Variants in NFIB observed in about 807,000 individuals in gnomAD.
The protein encoded by NFIB is nuclear factor 1 B-type.
Under a neutral mutation model 61.5 loss-of-function variants are expected in NFIB, and 11 were observed. That is an observed-to-expected ratio of 0.18 (90% CI 0.11 to 0.30). The LOEUF is 0.30. Among genes scored for constraint, NFIB ranks in the 10% least tolerant of loss-of-function variants. The pLI, the probability that NFIB is intolerant of heterozygous loss-of-function variation, is 1.00. For missense variants in NFIB, 471 were observed against 608.9 expected (o/e 0.77, Z 2.38); for synonymous variants, 260 against 216.5 (o/e 1.20, Z -1.76).
chr9:14,105,334 T>A (rs529704150), intron 10 of NFIB, among the ~76,000 whole-genome samples: 4 of 152,344 alleles, frequency 2.6e-5, no homozygotes, highest in Admixed American at 2.6e-4. Context: ...AGCAATAATT[T>A]AATGCCAAAT....
chr9:14,465,878 C>G, the NFIB span, among the ~76,000 whole-genome samples: 1 of 152,186 alleles, frequency 6.6e-6, no homozygotes, highest in South Asian at 2.1e-4. Flanking sequence ...ACAATACTCC[C>G]TCTCCCAGTT....
the NFIB span, among the ~76,000 whole-genome samples, chr9:14,512,869 G>A: frequency 7.2e-6 from 1 of 138,186 alleles, no homozygotes; most frequent in African/African-American, 2.7e-5. Flanking sequence ...TTTCTTTCCA[G>A]ACATGGAAAT....
intron 6 of NFIB, among the ~76,000 whole-genome samples, chr9:14,141,867 C>CTTTCA: frequency 8.4e-6 from 1 of 118,614 alleles, no homozygotes; most frequent in Non-Finnish European, 1.6e-5. Flanking sequence ...AAGCTTTGTT[C>CTTTCA]TTTCACTCTT....
chr9:14,149,044 T>C (rs1286672599), intron 5 of NFIB, among the ~76,000 whole-genome samples: 2 of 152,318 alleles, frequency 1.3e-5, no homozygotes, highest in Middle Eastern at 3.4e-3. Flanking sequence ...AAGATCTGTG[T>C]TGACAACAGT....
intron 2 of NFIB, among the ~76,000 whole-genome samples, chr9:14,278,117 T>C (rs1043170563): frequency 1.3e-5 from 2 of 152,216 alleles, no homozygotes; most frequent in Non-Finnish European, 2.9e-5. Context: ...ACAACCATCC[T>C]GATGACCAGT....
intron 7 of NFIB, among the ~76,000 whole-genome samples, chr9:14,121,996 GA>G: frequency 6.6e-6 from 1 of 151,982 alleles, no homozygotes; most frequent in Admixed American, 6.6e-5. Context: ...AATATATGTA[GA>G]AGTGAAAAGT....
intron 1 of NFIB, among the ~76,000 whole-genome samples, chr9:14,319,797 A>G (rs896584355): frequency 6.6e-6 from 1 of 152,380 alleles, no homozygotes; most frequent in East Asian, 1.9e-4. Context: ...TGAAAACTGC[A>G]TAACAATGCA....
the NFIB span, among the ~76,000 whole-genome samples, chr9:14,422,236 C>T: frequency 6.6e-6 from 1 of 152,212 alleles, no homozygotes; most frequent in Non-Finnish European, 1.5e-5. Context: ...CTTATGGAAA[C>T]TTTCCTGCCT....
chr9:14,196,421 T>A (rs968889627), intron 2 of NFIB, among the ~76,000 whole-genome samples: 4 of 152,140 alleles, frequency 2.6e-5, no homozygotes, highest in Admixed American at 2.0e-4. Flanking sequence ...ATTTCTGATA[T>A]CTCAGCTTCT....
At chr9:14,178,793 C>T (rs901495933) in intron 3 of NFIB, among the ~76,000 whole-genome samples, 3 of 152,200 alleles carry the variant, frequency 2.0e-5, no homozygotes, top group Admixed American at 6.5e-5. Flanking sequence ...TAGCTAAGCA[C>T]GACTTCAAGG....
intron 2 of NFIB, among the ~76,000 whole-genome samples, chr9:14,251,287 T>C (rs894088823): frequency 9.9e-5 from 15 of 152,192 alleles, no homozygotes; most frequent in Admixed American, 2.6e-4. Context: ...ACGAAGGACA[T>C]GATATATTTA....
chr9:14,400,927 G>A (rs1480935652), upstream of NFIB, among the ~76,000 whole-genome samples: 1 of 152,214 alleles, frequency 6.6e-6, no homozygotes, highest in Non-Finnish European at 1.5e-5. Flanking sequence ...TTCCGAAGTA[G>A]CCAATCAGCG....
the NFIB span, among the ~76,000 whole-genome samples, chr9:14,442,694 G>A: frequency 6.6e-6 from 1 of 152,196 alleles, no homozygotes; most frequent in South Asian, 2.1e-4. Context: ...GTCAGACTTT[G>A]CCTTTTGATA....
At chr9:14,161,732 T>C (rs772288166) in intron 3 of NFIB, among the ~76,000 whole-genome samples, 2 of 152,172 alleles carry the variant, frequency 1.3e-5, no homozygotes, top group African/African-American at 2.4e-5. Flanking sequence ...AGCACTGTAA[T>C]TAACATCCTC....
At chr9:14,409,218 G>A in the NFIB span, among the ~76,000 whole-genome samples, 7 of 151,972 alleles carry the variant, frequency 4.6e-5, no homozygotes, top group Non-Finnish European at 8.8e-5. Flanking sequence ...GTATTTATTA[G>A]CTTGCTTTTC....
At chr9:14,116,717 T>A (rs879261801) in intron 8 of NFIB, among the ~76,000 whole-genome samples, 2 of 152,268 alleles carry the variant, frequency 1.3e-5, no homozygotes, top group Admixed American at 1.3e-4. Flanking sequence ...TGGAACCCAA[T>A]GCTTCCTTAT....
the NFIB span, among the ~76,000 whole-genome samples, chr9:14,498,129 G>C: frequency 1.3e-5 from 2 of 152,154 alleles, no homozygotes; most frequent in African/African-American, 2.4e-5. Context: ...CAAAACTAAG[G>C]CTCAGAGGAA....
intron 1 of NFIB, among the ~76,000 whole-genome samples, chr9:14,335,556 A>T (rs911685413): frequency 1.3e-5 from 2 of 152,258 alleles, no homozygotes; most frequent in East Asian, 3.9e-4. Flanking sequence ...TTCTTACTGA[A>T]TTTTTAAGTT....
At chr9:14,124,262 G>A (rs923041701) in intron 7 of NFIB, among the ~76,000 whole-genome samples, 2 of 152,184 alleles carry the variant, frequency 1.3e-5, no homozygotes, top group African/African-American at 4.8e-5. Flanking sequence ...ACAAATGGGT[G>A]ATTTGACTTC....
Sources: allele counts gnomAD v4.1 joint callset (sites outside exome capture counted in the v4.1 genomes callset), GRCh38; gene constraint gnomAD v4.1.1; transcripts MANE v1.5; gene names NCBI Gene and HGNC (gene_info 2026-07-23, HGNC 2026-07-21).